CNPY1: variants seen among roughly 807,000 people sequenced by gnomAD.
CNPY1 encodes the protein canopy FGF signaling regulator 1, also known as protein canopy homolog 1.
A neutral mutation model predicts 14.4 loss-of-function variants in CNPY1; 14 were observed. The observed-to-expected ratio is 0.97, with a 90% CI of 0.64 to 1.52. The LOEUF is 1.52. Ranked by LOEUF, CNPY1 falls within the 40% of genes most tolerant of loss-of-function variation. CNPY1 has a pLI of 0.00. For synonymous variants in CNPY1, 43 were observed against 46.5 expected, an observed-to-expected ratio of 0.92 and a Z score of 0.31; for missense variants, 129 against 131.5, an observed-to-expected ratio of 0.98 and a Z score of 0.09.
rs566599258 is a variant in CNPY1, at chr7:155,501,174, A to C, written c.*1894T>G. On this transcript the variant is annotated 3_prime_UTR_variant, in exon 5 of 5. Transcript: ENST00000636446. ...TTTTAATGGGAAATCCAAGAAAAAA[A>C]CCTGAAATGCCATATTTATCACAAC... The C allele has an allele frequency of 2.5e-4, 38 of 152,294 alleles. No homozygotes were observed. Among genetic ancestry groups the C allele is most frequent in the African/African-American group, 8.2e-4 (34 of 41,564 alleles). 9.4% of individuals were successfully genotyped at this position (152,294 alleles called of 1,614,324 possible).
chr7:155,515,881 C>G (rs562313831), intron 2 of CNPY1, among the ~76,000 whole-genome samples: 10 of 152,162 alleles, frequency 6.6e-5, no homozygotes, highest in South Asian at 4.2e-4. Flanking sequence ...AAAACAAAAA[C>G]AAGAACAGAA....
rs1017471682 is a variant in CNPY1 at position 155,536,767 on chromosome 7, C to T, written c.99+9064G>A. 3.3e-5 allele frequency among the ~76,000 whole-genome samples: 5 copies of T among 152,174 alleles called. No homozygotes were observed. Among genetic ancestry groups the T allele is most frequent in the African/African-American group, 9.7e-5 (4 of 41,436 alleles). The stretch of plus-strand genomic sequence containing the variant: ...CCCCGTGCCAACCCACACTAGACTA[C>T]GACATGAGCAAGAAGTCAACTCTCA... On this transcript the variant is annotated intron_variant, in intron 2 of 4. Transcript: ENST00000636446. The surrounding 1 kb of genome is among the most constrained non-coding windows in gnomAD (Gnocchi z 4.1).
intron 2 of CNPY1, among the ~76,000 whole-genome samples, chr7:155,523,461 A>G (rs1585318873): frequency 6.6e-6 from 1 of 152,304 alleles, no homozygotes; most frequent in Non-Finnish European, 1.5e-5. Flanking sequence ...ACTGCCGGCC[A>G]CCAGGGCCGT....
chr7:155,521,844 T>C (rs1796731425), intron 2 of CNPY1, among the ~76,000 whole-genome samples: 1 of 152,190 alleles, frequency 6.6e-6, no homozygotes, highest in Admixed American at 6.5e-5. Flanking sequence ...AGAAGATGCT[T>C]GCCAGGTTCC....
intron 4 of CNPY1, among the ~76,000 whole-genome samples, chr7:155,503,929 G>A (rs1796207041): frequency 6.6e-6 from 1 of 152,142 alleles, no homozygotes; most frequent in African/African-American, 2.4e-5. Flanking sequence ...CATACCTTGA[G>A]TGGCACAGAG....
At chr7:155,511,993 C>CT (rs145717770) in intron 2 of CNPY1, among the ~76,000 whole-genome samples, 6,448 of 152,056 alleles carry the variant, frequency 0.042, 187 homozygotes, top group South Asian at 0.097. Flanking sequence ...AATAACTGGG[C>CT]TTTTTTTTCC....
intron 2 of CNPY1, among the ~76,000 whole-genome samples, chr7:155,533,318 C>G (rs1796973093): frequency 6.6e-6 from 1 of 152,200 alleles, no homozygotes; most frequent in African/African-American, 2.4e-5. Flanking sequence ...CTCGGATGTG[C>G]CGGCTCGGAA....
chr7:155,527,458 T>TTG (rs1796849523), intron 2 of CNPY1, among the ~76,000 whole-genome samples: 1 of 141,946 alleles, frequency 7.0e-6, no homozygotes, highest in Admixed American at 7.0e-5. Context: ...TTTTTTTTTT[T>TTG]TGAGGCAAGT....
At chr7:155,534,810 A>G (rs1797004070) in intron 2 of CNPY1, among the ~76,000 whole-genome samples, 1 of 152,186 alleles carries the variant, frequency 6.6e-6, no homozygotes, top group African/African-American at 2.4e-5. Flanking sequence ...CTGGGCACTG[A>G]GGGAGCGGGC....
At chr7:155,541,531 C>T (rs1002809305) in intron 2 of CNPY1, among the ~76,000 whole-genome samples, 1 of 152,242 alleles carries the variant, frequency 6.6e-6, no homozygotes, top group East Asian at 1.9e-4. Flanking sequence ...TCATTCCCCA[C>T]ACCACATGAC....
At chr7:155,514,055 G>T (rs1421321) in intron 2 of CNPY1, among the ~76,000 whole-genome samples, 3 of 152,036 alleles carry the variant, frequency 2.0e-5, no homozygotes, top group Non-Finnish European at 4.4e-5. Context: ...CCTCCGGTGG[G>T]CACCGCTCAG....
intron 2 of CNPY1, among the ~76,000 whole-genome samples, chr7:155,541,235 C>T (rs1025595337): frequency 3.3e-5 from 5 of 152,212 alleles, no homozygotes; most frequent in Admixed American, 6.5e-5. Flanking sequence ...CCTCCGCGAG[C>T]GGAGCACGAG....
intron 2 of CNPY1, among the ~76,000 whole-genome samples, chr7:155,529,260 T>C (rs925698583): frequency 2.0e-5 from 3 of 152,150 alleles, no homozygotes; most frequent in Non-Finnish European, 2.9e-5. Flanking sequence ...TTGATCCACA[T>C]TATGTGGGCT....
intron 2 of CNPY1, among the ~76,000 whole-genome samples, chr7:155,532,478 G>A (rs28533460): frequency 0.35 from 52,743 of 151,804 alleles, 10,133 homozygotes; most frequent in Non-Finnish European, 0.42. Flanking sequence ...AAAATTAGCC[G>A]GGCACGGTGG....
rs540777714 is a variant in CNPY1, at chr7:155,537,078, T to C, written c.99+8753A>G. On this transcript the variant is annotated intron_variant, in intron 2 of 4. Transcript: ENST00000636446. Reference sequence around the variant, plus strand: ...TGAGAGGAAAGGAACATGAGGACTGTAAGTAAAGGAGCCGGGGCTATTTAT... The same window carrying C: ...TGAGAGGAAAGGAACATGAGGACTGCAAGTAAAGGAGCCGGGGCTATTTAT... 4.6e-5 allele frequency among the ~76,000 whole-genome samples: 7 copies of C among 152,304 alleles called. No individual in the cohort carries two copies. In the South Asian group the frequency reaches 1.0e-3, roughly 23 times the overall value.
At chr7:155,514,630 C>T (rs989157261) in intron 2 of CNPY1, among the ~76,000 whole-genome samples, 1 of 152,202 alleles carries the variant, frequency 6.6e-6, no homozygotes, top group Admixed American at 6.5e-5. Context: ...TGCAGTGGCT[C>T]ACACCTGTAA....
chr7:155,520,988 G>C (rs963614174), intron 2 of CNPY1, among the ~76,000 whole-genome samples: 32 of 151,582 alleles, frequency 2.1e-4, no homozygotes, highest in African/African-American at 7.0e-4. Flanking sequence ...TTAGCCTGGC[G>C]TGGTGGCACA....
chr7:155,520,677 T>G (rs1349099403), intron 2 of CNPY1, among the ~76,000 whole-genome samples: 2 of 152,134 alleles, frequency 1.3e-5, no homozygotes, highest in South Asian at 2.1e-4. Context: ...TTTGTTCCAT[T>G]TGAACAAAAC....
chr7:155,532,483 C>T (rs1302686861), intron 2 of CNPY1, among the ~76,000 whole-genome samples: 5 of 150,778 alleles, frequency 3.3e-5, no homozygotes, highest in Admixed American at 6.6e-5. Context: ...TAGCCGGGCA[C>T]GGTGGTGGGC....
Sources: gnomAD v4.1 joint callset for allele counts (sites outside exome capture counted in the v4.1 genomes callset) on GRCh38, gnomAD v4.1.1 for gene constraint, Gnocchi (gnomAD v3.1) non-coding constraint, MANE v1.5 for transcripts, NCBI Gene and HGNC (gene_info 2026-07-23, HGNC 2026-07-21) for gene names.